SKA3: variants seen among roughly 807,000 people sequenced by gnomAD.
The protein encoded by SKA3 is spindle and kinetochore-associated protein 3.
A neutral mutation model predicts 44.2 loss-of-function variants in SKA3; 39 were observed. The observed-to-expected ratio is 0.88, with a 90% CI of 0.68 to 1.15. The LOEUF is 1.15. Ranked by LOEUF, SKA3 falls within the 50% of genes most tolerant of loss-of-function variation. The probability of loss-of-function intolerance (pLI) is 0.00; values close to 1 mark genes in which losing one functional copy is unlikely to be tolerated. For missense variants in SKA3, 511 were observed against 485.8 expected (o/e 1.05, Z -0.49); for synonymous variants, 192 against 172.0 (o/e 1.12, Z -0.91).
At position 21,168,278 on chromosome 13, in the gene SKA3, C is replaced by G; in HGVS notation, c.453G>C (p.Lys151Asn). ...CTGAAAGTTGTGGACTACGTGGAGA[C>G]TTCTCAGAAATACAACTGCTTGCAA... ...PPVASSCISEKSPRSPQLSDF... is the reference protein window; with the variant it reads ...PPVASSCISENSPRSPQLSDF... The change falls in exon 4 of 9, where the codon AAG becomes AAC. Residue 151 changes from lysine to asparagine, a missense_variant. Coordinates refer to ENST00000314759, the MANE Select transcript of SKA3 (RefSeq NM_145061.6). 2 of 1,614,188 alleles carry G rather than the reference C, an allele frequency of 1.2e-6. No individual in the cohort carries two copies. The highest frequency in any genetic ancestry group is 1.7e-6 in the Non-Finnish European group (2 of 1,180,040).
chr13:21,161,611 GA>G (rs1246584618), intron 5 of SKA3, among the ~76,000 whole-genome samples, 178 bp downstream of exon 5: 5 of 152,154 alleles, frequency 3.3e-5, no homozygotes, highest in African/African-American at 1.2e-4. Context: ...AAACATACCA[GA>G]AAATTTTCTT....
chr13:21,175,020 A>T (rs1871376033), intron 1 of SKA3, among the ~76,000 whole-genome samples: 1 of 152,202 alleles, frequency 6.6e-6, no homozygotes, highest in Admixed American at 6.5e-5. Flanking sequence ...AAGATCGCTC[A>T]GGCTGGAGTG....
chr13:21,164,651 G>T (rs1188753816), intron 4 of SKA3, among the ~76,000 whole-genome samples: 1 of 152,096 alleles, frequency 6.6e-6, no homozygotes, highest in Non-Finnish European at 1.5e-5. Flanking sequence ...TGGTGTTAGT[G>T]GTTTCTTATT....
rs1396949715 is a variant in SKA3, at chr13:21,168,022, T to C, written c.709A>G (p.Thr237Ala). The C allele has an allele frequency of 5.6e-6, 9 of 1,602,376 alleles. No homozygotes were observed. The highest frequency in any genetic ancestry group is 7.7e-6 in the Non-Finnish European group (9 of 1,174,720). The change falls in exon 4 of 9, where the codon ACA becomes GCA. Residue 237 changes from threonine to alanine, a missense_variant. Physicochemically the swap from Thr to Ala is moderately conservative, Grantham distance 58. Transcript: ENST00000314759. ...TTCCTCGCATTTTTAAGTCCCATTG[T>C]GTAATCTTCATTTAAACACATAGTA... ...EYTMCLNEDY[T>A]MGLKNARNNK...
intron 7 of SKA3, 33 bp downstream of exon 7, chr13:21,157,889 C>CAA (rs10700757): frequency 0.1 from 120,423 of 1,191,636 alleles, 466 homozygotes; most frequent in South Asian, 0.12. Context: ...AGAATATCAG[C>CAA]AAAAAAAAAA....
intron 5 of SKA3, among the ~76,000 whole-genome samples, chr13:21,160,724 C>T (rs1870391954): frequency 6.6e-6 from 1 of 152,110 alleles, no homozygotes; most frequent in East Asian, 1.9e-4. Context: ...CAATTCTACT[C>T]CTAGATATGA....
intron 5 of SKA3, among the ~76,000 whole-genome samples, chr13:21,160,880 T>G (rs1449831221): frequency 6.6e-6 from 1 of 152,186 alleles, no homozygotes; most frequent in Non-Finnish European, 1.5e-5. Flanking sequence ...ATGAAGTGCT[T>G]TGGGAGGCCA....
rs140874105 is a variant in SKA3 at position 21,166,727 on chromosome 13, T to C, written c.743+1261A>G. Among the ~76,000 whole-genome samples, 270 of 152,270 alleles carry C rather than the reference T, an allele frequency of 1.8e-3. 1 individual carries two copies. Among genetic ancestry groups the C allele is most frequent in the Non-Finnish European group, 1.4e-3 (93 of 68,006 alleles). On this transcript the variant is annotated intron_variant, in intron 4 of 8. Coordinates refer to ENST00000314759, the MANE Select transcript of SKA3 (RefSeq NM_145061.6). ...CAGCCTGGGGGATAGAACAAGACCA[T>C]CTGAAAAACAAAACAAAACAAACAA... is the stretch of plus-strand genomic sequence containing the variant.
Position 21,168,432 on chromosome 13 carries a change from C to T in SKA3, c.332-33G>A. The T allele has an allele frequency of 5.0e-6, 6 of 1,191,160 alleles. No homozygotes were observed. The South Asian group carries it at 1.2e-4, about 24-fold the overall frequency. The allele number at this position is 1,191,160 out of a possible 1,614,324, so 73.8% of individuals were successfully genotyped here. On this transcript the variant is annotated intron_variant, in intron 3 of 8. Coordinates refer to ENST00000314759, the MANE Select transcript of SKA3 (RefSeq NM_145061.6). ...GAAAAATCAGAATATTCTGGTCAAACTCAAAATGGAAAATTTCACGTTTAC... is the reference window on the plus strand; with the variant it reads ...GAAAAATCAGAATATTCTGGTCAAATTCAAAATGGAAAATTTCACGTTTAC...
intron 1 of SKA3, among the ~76,000 whole-genome samples, chr13:21,174,596 G>C (rs940463616): frequency 2.0e-5 from 3 of 152,090 alleles, no homozygotes; most frequent in Non-Finnish European, 1.5e-5. Context: ...TGAGGGAAGG[G>C]GGGAGGGATA....
intron 7 of SKA3, among the ~76,000 whole-genome samples, chr13:21,157,350 C>G (rs1595296198): frequency 6.6e-6 from 1 of 152,296 alleles, no homozygotes; most frequent in East Asian, 1.9e-4. Flanking sequence ...TATACCCTAC[C>G]ACACACCTAG....
In SKA3 at chr13:21,176,508, T is replaced by C; in HGVS notation, c.-31A>G. ...GCACAGCGGGGAAGGACTCCAGGCG[T>C]ACGCAGACCCCACCGCTCAGCTCAC... On this transcript the variant is annotated 5_prime_UTR_variant, in exon 1 of 9. Transcript: ENST00000314759. 6.9e-7 allele frequency: 1 copy of C among 1,440,186 alleles called. No individual in the cohort carries two copies. The highest frequency in any genetic ancestry group is 1.4e-5 in the South Asian group (1 of 72,584). The allele number at this position is 1,440,186 out of a possible 1,614,324, so 89.2% of individuals were successfully genotyped here. A position where few individuals can be genotyped will look rare whatever the true frequency, so the allele number is the denominator to read the frequency against.
At chr13:21,166,719 C>T (rs1870731732) in intron 4 of SKA3, among the ~76,000 whole-genome samples, 1 of 152,178 alleles carries the variant, frequency 6.6e-6, no homozygotes, top group Non-Finnish European at 1.5e-5. Context: ...GGGGATAGAA[C>T]AAGACCATCT....
chr13:21,161,654 G>C, intron 5 of SKA3, 136 bp downstream of exon 5: 1 of 508,718 alleles, frequency 2.0e-6, no homozygotes, highest in Non-Finnish European at 3.3e-6. Context: ...GAATGAAATG[G>C]TACTTAATGT....
chr13:21,168,157 G>A lies in SKA3; in HGVS notation c.574C>T (p.Pro192Ser), dbSNP rs763005433. 6.2e-7 allele frequency: 1 copy of A among 1,614,106 alleles called. No individual in the cohort carries two copies. The highest frequency in any genetic ancestry group is 8.5e-7 in the Non-Finnish European group (1 of 1,179,992). ...YKEEPVIVTP[P>S]TKQSLVKVLK... ...ACTTTTACTAGTGATTGTTTGGTAG[G>A]TGGGGTTACAATTACGGGCTCTTCC... Residue 192 changes from proline (P) to serine (S), a missense_variant, in exon 4 of 9, where the codon CCT (proline) becomes TCT (serine). Physicochemically the swap from Pro to Ser is moderately conservative, Grantham distance 74. Transcript: ENST00000314759.
chr13:21,170,540 G>A (rs1870981199), intron 3 of SKA3, among the ~76,000 whole-genome samples: 1 of 152,198 alleles, frequency 6.6e-6, no homozygotes, highest in Middle Eastern at 3.4e-3. Context: ...AATCTCTAAA[G>A]TTTTATATTT....
intron 3 of SKA3, among the ~76,000 whole-genome samples, chr13:21,170,507 T>C (rs906732178): frequency 6.6e-6 from 1 of 152,182 alleles, no homozygotes; most frequent in Admixed American, 6.6e-5. Context: ...TTTGTTTGTT[T>C]TGTTTTAAAA....
rs202186176 is a variant in SKA3, at chr13:21,161,879, G to A, written c.744-4C>T. On this transcript the variant is annotated splice_region_variant and splice_polypyrimidine_tract_variant and intron_variant, in intron 4 of 8. Transcript: ENST00000314759. Reference sequence around the variant, plus strand: ...TTCTGTATCTATGGCCTCCTCACTGGTGTGATTCATAGGGAAATTACAAGG... The same window carrying A: ...TTCTGTATCTATGGCCTCCTCACTGATGTGATTCATAGGGAAATTACAAGG... 1.6e-6 allele frequency: 2 copies of A among 1,252,030 alleles called. No individual in the cohort carries two copies. The highest frequency in any genetic ancestry group is 2.1e-6 in the Non-Finnish European group (2 of 943,870). The allele number at this position is 1,252,030 out of a possible 1,614,324, so 77.6% of individuals were successfully genotyped here.
At chr13:21,168,743 G>T (rs991283166) in intron 3 of SKA3, among the ~76,000 whole-genome samples, 1 of 152,094 alleles carries the variant, frequency 6.6e-6, no homozygotes, top group Non-Finnish European at 1.5e-5. Flanking sequence ...GCCCAGGCTG[G>T]TGTCAAACTC....
Sources: allele counts gnomAD v4.1 joint callset (sites outside exome capture counted in the v4.1 genomes callset), GRCh38; gene constraint gnomAD v4.1.1; transcripts MANE v1.5; gene names NCBI Gene and HGNC (gene_info 2026-07-23, HGNC 2026-07-21).